CTNND2: variants seen among roughly 807,000 people sequenced by gnomAD.
CTNND2 encodes catenin delta-2.
In CTNND2, 22 loss-of-function variants were observed where a neutral mutation model predicts 144.4. The ratio of observed to expected loss-of-function variants is 0.15; its 90% CI spans 0.11 to 0.22. The LOEUF (loss-of-function observed/expected upper bound fraction) is 0.22. CTNND2 is among the 10% of genes least tolerant of loss of function. The pLI is 1.00. For missense variants in CTNND2, 1,353 were observed against 1,618.8 expected (o/e 0.84, Z 2.82); for synonymous variants, 751 against 695.6 (o/e 1.08, Z -1.25).
Position 11,089,904 on chromosome 5 carries a change from G to A in CTNND2, c.2638-7058C>T, listed in dbSNP as rs1039975142. Among the ~76,000 whole-genome samples the A allele has an allele frequency of 2.6e-5, 4 of 152,312 alleles. No homozygotes were observed. In the East Asian group the frequency reaches 7.7e-4, roughly 29 times the overall value. The stretch of plus-strand genomic sequence containing the variant: ...GGCTCCTGTAATACCAGCTCCTCGG[G>A]AGACTGAGGCAGGAGAATCCCTTGA... On this transcript the variant is annotated intron_variant, in intron 15 of 21. Transcript: ENST00000304623.
intron 5 of CTNND2, among the ~76,000 whole-genome samples, chr5:11,402,537 G>A (rs1267178720): frequency 6.6e-6 from 1 of 152,170 alleles, no homozygotes; most frequent in Non-Finnish European, 1.5e-5. Context: ...GGTTCCAGAA[G>A]AACTTGCCCA....
At chr5:11,104,805 C>T (rs1752258161) in intron 14 of CTNND2, among the ~76,000 whole-genome samples, 1 of 152,120 alleles carries the variant, frequency 6.6e-6, no homozygotes, top group African/African-American at 2.4e-5. Context: ...TCCAGGCTCT[C>T]CTTGCAAAAG....
chr5:11,369,204 A>G (rs1757238355), intron 7 of CTNND2, among the ~76,000 whole-genome samples: 1 of 152,252 alleles, frequency 6.6e-6, no homozygotes, highest in Admixed American at 6.5e-5. Flanking sequence ...GTAGGAATGA[A>G]TGACGTTCAT....
At chr5:11,642,377 A>C (rs1782112658) in intron 2 of CTNND2, among the ~76,000 whole-genome samples, 1 of 152,222 alleles carries the variant, frequency 6.6e-6, no homozygotes, top group African/African-American at 2.4e-5. Flanking sequence ...GAATCATAGA[A>C]CAAGGGGGTT....
chr5:11,509,286 G>A (rs754584266), intron 3 of CTNND2, among the ~76,000 whole-genome samples: 5 of 152,116 alleles, frequency 3.3e-5, no homozygotes, highest in Non-Finnish European at 7.3e-5. Context: ...GTAAATACAG[G>A]CATTTAGACT....
rs114615774 is a variant in CTNND2, at chr5:11,454,381, C to A, written c.288-42312G>T. Among the ~76,000 whole-genome samples, 855 of 152,062 alleles carry A rather than the reference C, an allele frequency of 5.6e-3. 4 individuals carry two copies. The highest frequency in any genetic ancestry group is 0.02 in the African/African-American group (828 of 41,482). The stretch of plus-strand genomic sequence containing the variant: ...GTTGCAGTGAGCCGAAATCACATCA[C>A]CGCACTTCGGCCTGGTGACAGAGCG... On this transcript the variant is annotated intron_variant, in intron 3 of 21. Coordinates refer to ENST00000304623, the MANE Select transcript of CTNND2 (RefSeq NM_001332.4).
chr5:11,126,230 T>C (rs1466724218), intron 12 of CTNND2, among the ~76,000 whole-genome samples: 1 of 151,976 alleles, frequency 6.6e-6, no homozygotes, highest in African/African-American at 2.4e-5. Flanking sequence ...GAACCCGGGA[T>C]GCGGAGGTTG....
chr5:11,113,360 GT>G (rs1032785812), intron 13 of CTNND2, among the ~76,000 whole-genome samples: 4 of 152,166 alleles, frequency 2.6e-5, no homozygotes, highest in African/African-American at 9.7e-5. Flanking sequence ...CATAATTGGT[GT>G]TTTCCTGGAG....
At chr5:11,344,297 C>A (rs1754551086) in intron 9 of CTNND2, among the ~76,000 whole-genome samples, 1 of 151,694 alleles carries the variant, frequency 6.6e-6, no homozygotes, top group Non-Finnish European at 1.5e-5. Context: ...GAGGCTGAGG[C>A]AGGAGAATGG....
chr5:11,160,092 C>T (rs925305082), intron 11 of CTNND2, among the ~76,000 whole-genome samples: 1 of 152,136 alleles, frequency 6.6e-6, no homozygotes, highest in African/African-American at 2.4e-5. Context: ...AAATTCTAAC[C>T]AAGACCAAAG....
chr5:11,405,643 G>A (rs1322907613), intron 5 of CTNND2, among the ~76,000 whole-genome samples: 5 of 152,054 alleles, frequency 3.3e-5, no homozygotes, highest in Admixed American at 6.5e-5. Context: ...TTCTGGAATG[G>A]AGGATAATTA....
intron 2 of CTNND2, among the ~76,000 whole-genome samples, chr5:11,667,666 C>T (rs1783645038): frequency 1.3e-5 from 2 of 152,086 alleles, no homozygotes; most frequent in Non-Finnish European, 2.9e-5. Context: ...TGAATATTAG[C>T]CCTTTGTCAG....
chr5:11,320,868 T>C (rs1269154311), intron 9 of CTNND2, among the ~76,000 whole-genome samples: 2 of 152,198 alleles, frequency 1.3e-5, no homozygotes, highest in African/African-American at 4.8e-5. Flanking sequence ...AAATAGGCCC[T>C]GGTTAATCTT....
chr5:11,858,299 T>C (rs1487798106), intron 1 of CTNND2, among the ~76,000 whole-genome samples: 2 of 152,296 alleles, frequency 1.3e-5, no homozygotes, highest in Admixed American at 6.5e-5. Context: ...ATGATGTCAG[T>C]ATACATGCAC....
intron 1 of CTNND2, among the ~76,000 whole-genome samples, chr5:11,791,828 A>G (rs558656596): frequency 1.1e-4 from 17 of 152,098 alleles, no homozygotes; most frequent in African/African-American, 4.1e-4. Flanking sequence ...TCAGAATTTC[A>G]CCCTCCCCAT....
chr5:11,438,703 C>T (rs1228385919), intron 3 of CTNND2, among the ~76,000 whole-genome samples: 1 of 152,198 alleles, frequency 6.6e-6, no homozygotes. Flanking sequence ...GAATTATCAA[C>T]AATGTCCTAA....
intron 1 of CTNND2, among the ~76,000 whole-genome samples, chr5:11,810,632 A>C (rs941522226): frequency 1.1e-4 from 16 of 152,314 alleles, no homozygotes; most frequent in Admixed American, 9.2e-4. Context: ...ATTATCTTGA[A>C]AAACAACTTT....
At chr5:11,280,168 T>C (rs1746972347) in intron 9 of CTNND2, among the ~76,000 whole-genome samples, 1 of 152,296 alleles carries the variant, frequency 6.6e-6, no homozygotes, top group African/African-American at 2.4e-5. Flanking sequence ...ATAAGCAGCA[T>C]TTATTGTAAA....
intron 10 of CTNND2, among the ~76,000 whole-genome samples, chr5:11,226,311 T>C (rs1464807809): frequency 1.3e-5 from 2 of 152,216 alleles, no homozygotes; most frequent in Admixed American, 1.3e-4. Flanking sequence ...TTCTACAGAA[T>C]GGCAGCTGCC....
Sources: gnomAD v4.1 joint callset for allele counts (sites outside exome capture counted in the v4.1 genomes callset) on GRCh38, gnomAD v4.1.1 for gene constraint, MANE v1.5 for transcripts, NCBI Gene and HGNC (gene_info 2026-07-23, HGNC 2026-07-21) for gene names.